The following DNAH12 variants were observed in gnomAD, a reference collection of about 807,000 sequenced individuals.
The protein encoded by DNAH12 is axonemal beta dynein heavy chain 12.
In DNAH12, 285 loss-of-function variants were observed where a neutral mutation model predicts 371.5. The observed-to-expected ratio is 0.77, with a 90% CI of 0.70 to 0.85. The LOEUF (loss-of-function observed/expected upper bound fraction) is 0.85, where lower values mean the gene tolerates loss of function less well. Ranked by LOEUF, DNAH12 falls within the 40% of genes least tolerant of loss-of-function variation. DNAH12 has a pLI of 0.00. For missense variants in DNAH12, 3,611 were observed against 3,689.4 expected, an observed-to-expected ratio of 0.98 and a Z score of 0.55; for synonymous variants, 1,200 against 1,213.0, an observed-to-expected ratio of 0.99 and a Z score of 0.22.
intron 39 of DNAH12, among the ~76,000 whole-genome samples, chr3:57,410,589 T>C (rs1413444153): frequency 6.6e-6 from 1 of 151,576 alleles, no homozygotes; most frequent in Non-Finnish European, 1.5e-5. Context: ...GAGGCCAAGG[T>C]GGTGGATCAC....
At chr3:57,498,995 T>C (rs891110894) in intron 11 of DNAH12, among the ~76,000 whole-genome samples, 3 of 117,506 alleles carry the variant, frequency 2.6e-5, no homozygotes, top group African/African-American at 3.2e-5. Context: ...CAAGACTCCG[T>C]CTCAAAAACA....
chr3:57,403,271 GTT>G, intron 43 of DNAH12, 36 bp downstream of exon 43: 1 of 1,512,018 alleles, frequency 6.6e-7, no homozygotes, highest in Non-Finnish European at 8.9e-7. Flanking sequence ...AGAATATACT[GTT>G]TTCATTTTAG....
intron 60 of DNAH12, among the ~76,000 whole-genome samples, chr3:57,351,828 C>T (rs201011656): frequency 5.8e-4 from 89 of 152,224 alleles, no homozygotes; most frequent in African/African-American, 1.9e-3. Flanking sequence ...TGTTCTATTT[C>T]GTCACCAGAT....
At chr3:57,334,757 T>C (rs1051170130) in intron 61 of DNAH12, 25 bp downstream of exon 61, 10 of 1,532,902 alleles carry the variant, frequency 6.5e-6, no homozygotes, top group Admixed American at 4.3e-5. Flanking sequence ...CATTCAATGA[T>C]AAATCATCGA....
intron 44 of DNAH12, among the ~76,000 whole-genome samples, chr3:57,392,416 A>T (rs1366919602): frequency 6.6e-6 from 1 of 152,158 alleles, no homozygotes; most frequent in Admixed American, 6.6e-5. Flanking sequence ...TAAAATATCC[A>T]CATATTAGCA....
intron 2 of DNAH12, among the ~76,000 whole-genome samples, chr3:57,538,466 C>A (rs560742936): frequency 6.6e-6 from 1 of 152,316 alleles, no homozygotes; most frequent in East Asian, 1.9e-4. Flanking sequence ...ATTCATTCAT[C>A]AACAATAACA....
chr3:57,489,699 G>C lies in DNAH12; in HGVS notation c.1336-12C>G, dbSNP rs1423730309. On this transcript the variant is annotated splice_polypyrimidine_tract_variant and intron_variant, in intron 11 of 73. Transcript: ENST00000495027. ...AATTTTTCTATAAACTTGAAAAAAA[G>C]TGTTCAAATGAAAAAAAAAATGTTT... The C allele has an allele frequency of 6.7e-7, 1 of 1,491,566 alleles. No individual in the cohort carries two copies. Among genetic ancestry groups the C allele is most frequent in the Admixed American group, 3.0e-5 (1 of 32,986 alleles). 92.4% of individuals were successfully genotyped at this position (1,491,566 alleles called of 1,614,324 possible).
At chr3:57,493,509 G>A (rs993961814) in intron 11 of DNAH12, among the ~76,000 whole-genome samples, 2 of 152,064 alleles carry the variant, frequency 1.3e-5, no homozygotes, top group Admixed American at 6.6e-5. Flanking sequence ...GCTACCAAAA[G>A]ACAACTATAT....
chr3:57,364,180 G>A (rs2153330853), intron 57 of DNAH12, among the ~76,000 whole-genome samples: 1 of 152,196 alleles, frequency 6.6e-6, no homozygotes, highest in Non-Finnish European at 1.5e-5. Flanking sequence ...TGGTGATAAA[G>A]CTGGTTCTTT....
At chr3:57,414,729 T>TG (rs2064311686) in intron 38 of DNAH12, among the ~76,000 whole-genome samples, 1 of 146,930 alleles carries the variant, frequency 6.8e-6, no homozygotes. Context: ...GGAACTCACT[T>TG]GTCCATTGGA....
chr3:57,308,424 C>A (rs2061516473), intron 69 of DNAH12, among the ~76,000 whole-genome samples: 1 of 152,162 alleles, frequency 6.6e-6, no homozygotes, highest in South Asian at 2.1e-4. Context: ...ACCACTTGCC[C>A]TTCTCAGAAT....
chr3:57,525,173 A>G (rs867457332), intron 2 of DNAH12, among the ~76,000 whole-genome samples: 1 of 136,582 alleles, frequency 7.3e-6, no homozygotes, highest in Non-Finnish European at 1.5e-5. Flanking sequence ...AAAAAAAAAG[A>G]AAAAAAATCT....
chr3:57,446,627 G>C lies in DNAH12; in HGVS notation c.3849C>G (p.Thr1283=), dbSNP rs562284843. The C allele has an allele frequency of 6.5e-7, 1 of 1,549,786 alleles. No homozygotes were observed. Among genetic ancestry groups the C allele is most frequent in the Non-Finnish European group, 8.7e-7 (1 of 1,145,910 alleles). The change falls in exon 26 of 74, where the codon ACC becomes ACG. Residue 1283 remains threonine (T), a synonymous_variant. Transcript: ENST00000495027. Reference sequence around the variant, plus strand: ...CTTTAGCCAAGTCCTTGGTGGTTTCGGTTTTTCCTGTGCCTGCTGGCCCCT... The same window carrying C: ...CTTTAGCCAAGTCCTTGGTGGTTTCCGTTTTTCCTGTGCCTGCTGGCCCCT... ...APEGPAGTGK[T]ETTKDLAKAL...
chr3:57,333,363 C>T (rs929094194), intron 62 of DNAH12, among the ~76,000 whole-genome samples: 18 of 130,022 alleles, frequency 1.4e-4, no homozygotes. Flanking sequence ...TGGAGTCTCG[C>T]TCTGTCACCC....
intron 12 of DNAH12, among the ~76,000 whole-genome samples, chr3:57,487,374 A>AAAG (rs1491282748): frequency 5.5e-4 from 33 of 59,838 alleles, no homozygotes; most frequent in African/African-American, 1.3e-3. Context: ...AGAAAGAAAG[A>AAAG]AAAAAAAAAA....
At chr3:57,407,798 TA>T (rs2064084383) in intron 40 of DNAH12, among the ~76,000 whole-genome samples, 1 of 152,200 alleles carries the variant, frequency 6.6e-6, no homozygotes. Flanking sequence ...TTCTCTTTTA[TA>T]ATTATTTTTT....
intron 57 of DNAH12, among the ~76,000 whole-genome samples, chr3:57,364,969 C>T (rs2063015632): frequency 1.3e-5 from 2 of 152,014 alleles, no homozygotes; most frequent in Admixed American, 1.3e-4. Flanking sequence ...GAAACAGATG[C>T]TGGTGAGGCT....
In DNAH12 at chr3:57,309,752, G is replaced by C. The variant is rs1198930979; in HGVS notation, c.10999C>G (p.Leu3667Val). ...QTKTLFESLL[L>V]TQGGSKQTGA... is the part of the protein sequence containing the mutation. The stretch of plus-strand genomic sequence containing the variant: ...GTCTGTTTGGAGCCTCCCTGGGTGA[G>C]GAGCAAGGACTCAAAGAGGGTTTTT... The change falls in exon 68 of 74, where the codon CTC (leucine) becomes GTC (valine). Residue 3667 changes from leucine to valine, a missense_variant. Physicochemically the swap from Leu to Val is conservative, Grantham distance 32. This residue lies in a region of DNAH12 where 2,266 missense variants were observed against 2,236.9 expected (regional missense o/e 1.01). Transcript: ENST00000495027. 1.3e-6 allele frequency: 2 copies of C among 1,551,320 alleles called. No homozygotes were observed. Among genetic ancestry groups the C allele is most frequent in the East Asian group, 4.9e-5 (2 of 40,902 alleles).
At position 57,523,858 on chromosome 3, in the gene DNAH12, T is replaced by A. The variant is rs776780892; in HGVS notation, c.197A>T (p.Asp66Val). 3.1e-6 allele frequency: 5 copies of A among 1,605,564 alleles called. No individual in the cohort carries two copies. In the South Asian group the frequency reaches 5.6e-5, roughly 18 times the overall value. ...LVIDGAKRNL[D>V]RTLGKRTPLL... ...AGGTGTTCTTTTACCCAGTGTTCTG[T>A]CTAAATTTCTTTTGGCTCCATCAAT... Residue 66 changes from aspartate (D) to valine (V), a missense_variant, in exon 3 of 74, where the codon GAC becomes GTC. Transcript: ENST00000495027.
Sources: allele counts gnomAD v4.1 joint callset (sites outside exome capture counted in the v4.1 genomes callset), GRCh38; gene constraint gnomAD v4.1.1; regional missense constraint gnomAD v4.1.1; transcripts MANE v1.5; gene names NCBI Gene and HGNC (gene_info 2026-07-23, HGNC 2026-07-21).